APBB2: variants seen among roughly 807,000 people sequenced by gnomAD.
APBB2 encodes Fe65-like 1.
A neutral mutation model predicts 82.5 loss-of-function variants in APBB2; 38 were observed. The ratio of observed to expected loss-of-function variants is 0.46; its 90% CI spans 0.36 to 0.60. APBB2 has a LOEUF of 0.60. Among genes scored for constraint, APBB2 ranks in the 20% least tolerant of loss-of-function variants. The pLI is 0.00. For synonymous variants in APBB2, 341 were observed against 368.2 expected, an observed-to-expected ratio of 0.93 and a Z score of 0.85; for missense variants, 772 against 972.3, an observed-to-expected ratio of 0.79 and a Z score of 2.74.
intron 1 of APBB2, among the ~76,000 whole-genome samples, chr4:41,186,252 T>C (rs186100668): frequency 1.3e-5 from 2 of 152,356 alleles, no homozygotes; most frequent in African/African-American, 4.8e-5. Context: ...TAGTATACTA[T>C]GTTTTTTTAA....
At chr4:40,941,105 G>C (rs1004912409) in intron 7 of APBB2, among the ~76,000 whole-genome samples, 3 of 151,704 alleles carry the variant, frequency 2.0e-5, no homozygotes, top group African/African-American at 7.3e-5. Flanking sequence ...CTTTTGTGAA[G>C]CCTAGTCAAC....
rs1169178621 is a variant in APBB2 at position 40,935,335 on chromosome 4, G to A, written c.1045-196C>T. On this transcript the variant is annotated intron_variant, in intron 7 of 17. Coordinates refer to ENST00000508593, the MANE Select transcript of APBB2 (RefSeq NM_004307.2). ...GATTATCACCTGAAGACGAGGGCAG[G>A]AGAGTGATGGTGCTTTAATTACTTA... 5 of 541,888 alleles carry A rather than the reference G, an allele frequency of 9.2e-6. No homozygotes were observed. In the East Asian group the frequency reaches 1.2e-4, roughly 13 times the overall value. 33.6% of individuals were successfully genotyped at this position (541,888 alleles called of 1,614,324 possible).
chr4:40,985,699 T>G (rs1333270889), intron 6 of APBB2, among the ~76,000 whole-genome samples: 2 of 152,222 alleles, frequency 1.3e-5, no homozygotes, highest in East Asian at 1.9e-4. Flanking sequence ...ACACTGAAAT[T>G]AAAATAGTAT....
At chr4:40,926,735 G>C (rs569874452) in intron 10 of APBB2, among the ~76,000 whole-genome samples, 1 of 152,236 alleles carries the variant, frequency 6.6e-6, no homozygotes, top group African/African-American at 2.4e-5. Flanking sequence ...GCTGAGAGAA[G>C]CGATAACTGG....
At chr4:41,210,287 T>C (rs538343533) in intron 1 of APBB2, among the ~76,000 whole-genome samples, 6 of 152,288 alleles carry the variant, frequency 3.9e-5, no homozygotes, top group Middle Eastern at 3.4e-3. Context: ...AAGGACCCGA[T>C]AGACAACCAG....
chr4:40,975,326 C>G (rs1796879257), intron 6 of APBB2, among the ~76,000 whole-genome samples: 1 of 152,170 alleles, frequency 6.6e-6, no homozygotes, highest in Non-Finnish European at 1.5e-5. Flanking sequence ...AACAGGGAAT[C>G]TATCTTTGGT....
At chr4:41,034,310 A>G (rs1718271272) in intron 4 of APBB2, among the ~76,000 whole-genome samples, 1 of 152,078 alleles carries the variant, frequency 6.6e-6, no homozygotes, top group Non-Finnish European at 1.5e-5. Context: ...ACAAGAGCCT[A>G]TATAAAAGGG....
chr4:41,041,095 T>C (rs566087462), intron 4 of APBB2, among the ~76,000 whole-genome samples: 2 of 152,268 alleles, frequency 1.3e-5, no homozygotes, highest in Non-Finnish European at 2.9e-5. Flanking sequence ...TTAGCCAGGA[T>C]GGTCTCGATC....
rs184794738 is a variant in APBB2, at chr4:40,838,425, T to A, written c.1530-7848A>T. ...ATCTCGACTCACTGCAACCTCCGCC[T>A]CCCGGGTTCAAGCAATTCTCCTGCC... On this transcript the variant is annotated intron_variant, in intron 12 of 17. Transcript: ENST00000508593. Among the ~76,000 whole-genome samples the A allele has an allele frequency of 4.0e-3, 541 of 135,022 alleles. 7 individuals are homozygous for A. Among genetic ancestry groups the A allele is most frequent in the African/African-American group, 0.014 (505 of 35,264 alleles). 88.6% of individuals were successfully genotyped at this position (135,022 alleles called of 152,430 possible).
In APBB2 at chr4:41,197,908, T is replaced by G; in HGVS notation, c.-417+16497A>C. ...CTACACTTAATAAAATGCAAAAGAA[T>G]GAATTTACAAATTTGAGGCCTTTCT... is the stretch of plus-strand genomic sequence containing the variant. On this transcript the variant is annotated intron_variant, in intron 1 of 17. Transcript: ENST00000508593. Among the ~76,000 whole-genome samples the G allele has an allele frequency of 2.0e-5, 3 of 152,356 alleles. No homozygotes were observed. The South Asian group carries it at 6.2e-4, about 32-fold the overall frequency.
chr4:41,035,642 C>A (rs1163618055), intron 4 of APBB2, among the ~76,000 whole-genome samples: 2 of 152,108 alleles, frequency 1.3e-5, no homozygotes. Context: ...TCTGAAAAGG[C>A]TTGAACAAAA....
chr4:40,921,430 T>G (rs760237179), intron 10 of APBB2, among the ~76,000 whole-genome samples: 3 of 152,222 alleles, frequency 2.0e-5, no homozygotes, highest in Non-Finnish European at 4.4e-5. Flanking sequence ...ATCAGACAGA[T>G]GCATGCAGAG....
chr4:40,889,828 A>C (rs1771452974), intron 12 of APBB2, among the ~76,000 whole-genome samples: 2 of 152,354 alleles, frequency 1.3e-5, no homozygotes, highest in South Asian at 4.1e-4. Flanking sequence ...TGGAATTTTG[A>C]TATGACCAGA....
intron 12 of APBB2, chr4:40,880,399 G>A (rs1353353118): frequency 2.0e-6 from 2 of 985,336 alleles, no homozygotes; most frequent in Non-Finnish European, 2.4e-6. Flanking sequence ...GGTTCCAGGT[G>A]ACAACTCGTG....
chr4:41,209,549 G>C (rs948656023), intron 1 of APBB2, among the ~76,000 whole-genome samples: 1 of 152,174 alleles, frequency 6.6e-6, no homozygotes, highest in Non-Finnish European at 1.5e-5. Context: ...ACACAGGAAA[G>C]GCTTGCCAAA....
intron 2 of APBB2, among the ~76,000 whole-genome samples, chr4:41,116,171 G>A (rs576987981): frequency 2.2e-4 from 34 of 152,314 alleles, no homozygotes; most frequent in African/African-American, 7.9e-4. Flanking sequence ...GCAGGAACAT[G>A]GATGAAGCTG....
intron 6 of APBB2, among the ~76,000 whole-genome samples, chr4:40,999,103 C>T (rs916200117): frequency 2.0e-5 from 3 of 152,058 alleles, no homozygotes; most frequent in Non-Finnish European, 4.4e-5. Flanking sequence ...TATATTTATT[C>T]CACAATATTT....
chr4:41,069,254 G>A (rs1283670465), intron 3 of APBB2, among the ~76,000 whole-genome samples: 1 of 152,200 alleles, frequency 6.6e-6, no homozygotes, highest in East Asian at 1.9e-4. Flanking sequence ...AGACTTCCTA[G>A]CTGCCTCTTA....
At chr4:41,005,397 G>GTT (rs140092835) in intron 6 of APBB2, among the ~76,000 whole-genome samples, 16 of 149,746 alleles carry the variant, frequency 1.1e-4, no homozygotes, top group East Asian at 2.0e-4. Flanking sequence ...CAACTTAAGG[G>GTT]TTTTTTTTTT....
Sources: allele counts gnomAD v4.1 joint callset (sites outside exome capture counted in the v4.1 genomes callset), GRCh38; gene constraint gnomAD v4.1.1; transcripts MANE v1.5; gene names NCBI Gene and HGNC (gene_info 2026-07-23, HGNC 2026-07-21).